CEP112: variants seen among roughly 807,000 people sequenced by gnomAD.
CEP112 encodes centrosomal protein of 112 kDa.
Under a neutral mutation model 153.0 loss-of-function variants are expected in CEP112, and 127 were observed. The observed-to-expected ratio is 0.83, with a 90% CI of 0.72 to 0.96. The LOEUF is 0.96. CEP112 is among the 40% of genes least tolerant of loss of function. The pLI, the probability that CEP112 is intolerant of heterozygous loss-of-function variation, is 0.00. For missense variants in CEP112, 1,089 were observed against 1,101.2 expected (o/e 0.99, Z 0.16); for synonymous variants, 358 against 374.4 (o/e 0.96, Z 0.51).
At chr17:65,725,238 T>G (rs1004160027) in intron 23 of CEP112, among the ~76,000 whole-genome samples, 3 of 152,182 alleles carry the variant, frequency 2.0e-5, no homozygotes, top group Admixed American at 1.3e-4. Flanking sequence ...AAGGTTGGTG[T>G]TGATGTGTTT....
chr17:65,738,711 T>G (rs371666513), intron 23 of CEP112, among the ~76,000 whole-genome samples: 16 of 152,312 alleles, frequency 1.1e-4, no homozygotes, highest in South Asian at 4.1e-4. Flanking sequence ...TAGATTTTCT[T>G]TATAAAAAAA....
At chr17:66,045,740 A>C (rs2145871210) in intron 12 of CEP112, among the ~76,000 whole-genome samples, 1 of 152,298 alleles carries the variant, frequency 6.6e-6, no homozygotes, top group East Asian at 1.9e-4. Flanking sequence ...TATTAAATTT[A>C]TTTCTTACTG....
intron 19 of CEP112, among the ~76,000 whole-genome samples, chr17:65,915,887 T>C (rs544676552): frequency 4.0e-5 from 6 of 151,772 alleles, no homozygotes; most frequent in Admixed American, 1.3e-4. Context: ...TCTCCCACCA[T>C]GGTCCATAGG....
At chr17:65,695,647 A>G (rs895709168) in intron 23 of CEP112, among the ~76,000 whole-genome samples, 2 of 152,222 alleles carry the variant, frequency 1.3e-5, no homozygotes, top group African/African-American at 4.8e-5. Flanking sequence ...GGAAAACTTT[A>G]TTGGAAGAGA....
intron 17 of CEP112, among the ~76,000 whole-genome samples, chr17:65,985,250 C>T (rs2063364766): frequency 1.3e-5 from 2 of 152,098 alleles, no homozygotes; most frequent in South Asian, 2.1e-4. Context: ...CTGAATTAGA[C>T]TTCAAAATGG....
At chr17:66,039,615 C>T (rs557029782) in intron 12 of CEP112, among the ~76,000 whole-genome samples, 7 of 152,122 alleles carry the variant, frequency 4.6e-5, no homozygotes, top group South Asian at 2.1e-4. Context: ...AAGATACATA[C>T]GTTTATGATT....
chr17:65,743,142 G>A lies in CEP112; in HGVS notation c.2533C>T (p.Arg845Trp), dbSNP rs61742269. 2,828 of 1,612,722 alleles carry A rather than the reference G, an allele frequency of 1.8e-3. 22 individuals carry two copies. The African/African-American group carries it at 0.032, about 18-fold the overall frequency. The change falls in exon 23 of 27, where the codon CGG becomes TGG. Residue 845 changes from arginine (R) to tryptophan (W), a missense_variant. Physicochemically the swap from Arg to Trp is moderately radical, Grantham distance 101. Coordinates refer to ENST00000535342, the MANE Select transcript of CEP112 (RefSeq NM_001199165.4). ...AACTTTTGTCTAACATCCTGGAGCC[G>A]CCTTTCTGCAGCAAGCTGCTGCTGG... is the stretch of plus-strand genomic sequence containing the variant. The part of the protein sequence containing the change: ...NSQQQLAAER[R>W]LQDVRQKFED...
At chr17:65,665,282 G>A (rs2046634555) in intron 24 of CEP112, among the ~76,000 whole-genome samples, 1 of 152,148 alleles carries the variant, frequency 6.6e-6, no homozygotes, top group Non-Finnish European at 1.5e-5. Context: ...TGCAGGTCAG[G>A]ACAGGAGGTA....
At chr17:65,980,404 T>C (rs1334402649) in intron 17 of CEP112, among the ~76,000 whole-genome samples, 1 of 152,196 alleles carries the variant, frequency 6.6e-6, no homozygotes, top group Non-Finnish European at 1.5e-5. Flanking sequence ...GATAGAAATG[T>C]TTGACATTTA....
intron 21 of CEP112, among the ~76,000 whole-genome samples, chr17:65,846,005 C>T (rs947663256): frequency 1.3e-5 from 2 of 152,188 alleles, no homozygotes; most frequent in Non-Finnish European, 2.9e-5. Context: ...TGAAACAACA[C>T]AGACCCATAT....
intron 4 of CEP112, among the ~76,000 whole-genome samples, chr17:66,168,379 ATATATATGTGTGTGTATATATATGTG>A (rs1263592102): frequency 6.6e-6 from 1 of 150,838 alleles, no homozygotes; most frequent in African/African-American, 2.4e-5. Flanking sequence ...ATAATAACCT[ATATATATGTGTGTGTATATATATGTG>A]TATATGTGTG....
chr17:65,866,392 C>T (rs2058486764), intron 20 of CEP112, among the ~76,000 whole-genome samples: 2 of 152,246 alleles, frequency 1.3e-5, no homozygotes, highest in African/African-American at 4.8e-5. Context: ...TGGCACTGGC[C>T]TGCGCCCCTT....
At chr17:65,932,717 G>A (rs12453121) in intron 18 of CEP112, among the ~76,000 whole-genome samples, 2 of 151,598 alleles carry the variant, frequency 1.3e-5, no homozygotes, top group African/African-American at 4.9e-5. Flanking sequence ...TGCCACACAC[G>A]TTTAACAACC....
intron 8 of CEP112, among the ~76,000 whole-genome samples, chr17:66,091,355 CAT>C (rs1383811792): frequency 6.6e-5 from 10 of 151,982 alleles, no homozygotes; most frequent in African/African-American, 1.7e-4. Context: ...TTTCTGACCA[CAT>C]GTTTAATACT....
intron 3 of CEP112, 58 bp downstream of exon 3, chr17:66,176,772 A>G: frequency 7.5e-7 from 1 of 1,332,216 alleles, no homozygotes; most frequent in Non-Finnish European, 1.0e-6. Flanking sequence ...AAGGGATGAT[A>G]ACTTGACGCT....
At chr17:65,773,776 G>A (rs547392806) in intron 21 of CEP112, among the ~76,000 whole-genome samples, 10 of 151,938 alleles carry the variant, frequency 6.6e-5, no homozygotes, top group Non-Finnish European at 1.3e-4. Context: ...TCCCTGCCTC[G>A]TGGGAAAGTA....
chr17:65,779,927 T>A (rs2145614060), intron 21 of CEP112, among the ~76,000 whole-genome samples: 1 of 152,044 alleles, frequency 6.6e-6, no homozygotes, highest in East Asian at 1.9e-4. Context: ...AGTACTGAGT[T>A]TCTCATTAAA....
chr17:66,137,976 A>G (rs1242503963), intron 4 of CEP112, among the ~76,000 whole-genome samples: 1 of 152,208 alleles, frequency 6.6e-6, no homozygotes, highest in East Asian at 1.9e-4. Context: ...AAATGAAAAG[A>G]TGAAAGTCTT....
At chr17:65,785,372 G>C (rs1010092124) in intron 21 of CEP112, among the ~76,000 whole-genome samples, 8 of 152,130 alleles carry the variant, frequency 5.3e-5, no homozygotes, top group Admixed American at 4.6e-4. Context: ...ACTATGTTTA[G>C]CTTTTTGAGG....
Sources: allele counts gnomAD v4.1 joint callset (sites outside exome capture counted in the v4.1 genomes callset), GRCh38; gene constraint gnomAD v4.1.1; transcripts MANE v1.5; gene names NCBI Gene and HGNC (gene_info 2026-07-23, HGNC 2026-07-21).